The following SAMD8 variants were observed in gnomAD, a reference collection of about 807,000 sequenced individuals.
The protein encoded by SAMD8 is sphingomyelin synthase-related protein 1.
In SAMD8, 20 loss-of-function variants were observed where a neutral mutation model predicts 42.0. That is an observed-to-expected ratio of 0.48 (90% CI 0.34 to 0.69). SAMD8 has a LOEUF of 0.69. Among genes scored for constraint, SAMD8 ranks in the 30% least tolerant of loss-of-function variants. SAMD8 has a pLI of 0.01. For missense variants in SAMD8, 328 were observed against 511.6 expected, an observed-to-expected ratio of 0.64 and a Z score of 3.46; for synonymous variants, 162 against 173.0, an observed-to-expected ratio of 0.94 and a Z score of 0.50.
At chr10:75,131,996 A>T (rs1306802607) in intron 1 of SAMD8, among the ~76,000 whole-genome samples, 1 of 152,218 alleles carries the variant, frequency 6.6e-6, no homozygotes, top group Non-Finnish European at 1.5e-5. Flanking sequence ...ACACTGTAAA[A>T]TTTCAGACTA....
At chr10:75,135,708 C>G (rs570104310) in intron 1 of SAMD8, among the ~76,000 whole-genome samples, 2 of 151,668 alleles carry the variant, frequency 1.3e-5, no homozygotes, top group Non-Finnish European at 2.9e-5. Flanking sequence ...CGCCTGTAGT[C>G]CCAGCTACTT....
chr10:75,108,353 T>C, upstream of SAMD8: 1 of 1,395,190 alleles, frequency 7.2e-7, no homozygotes, highest in Non-Finnish European at 9.4e-7. Flanking sequence ...GGGGTCTGAC[T>C]CCACAGCCCT....
intron 3 of SAMD8, 117 bp downstream of exon 3, chr10:75,164,857 CAT>C: frequency 1.3e-6 from 1 of 744,560 alleles, no homozygotes; most frequent in South Asian, 1.7e-5. Context: ...GTCATTGTGA[CAT>C]AGTTATTAAC....
intron 1 of SAMD8, among the ~76,000 whole-genome samples, chr10:75,146,561 C>T (rs1304341428): frequency 6.6e-6 from 1 of 152,120 alleles, no homozygotes; most frequent in African/African-American, 2.4e-5. Context: ...GCTAGGATTA[C>T]AGGCGTGAGC....
At chr10:75,101,132 G>A (rs1002044742) in intron 1 of SAMD8, among the ~76,000 whole-genome samples, 3 of 152,196 alleles carry the variant, frequency 2.0e-5, no homozygotes, top group African/African-American at 7.2e-5. Context: ...TGCCAGTGGG[G>A]AACAGCTGTG....
chr10:75,145,873 A>G (rs948570518), intron 1 of SAMD8, among the ~76,000 whole-genome samples: 8 of 151,988 alleles, frequency 5.3e-5, no homozygotes, highest in Admixed American at 4.6e-4. Flanking sequence ...TGTTCATGAG[A>G]CCTTTTTTCA....
At chr10:75,172,480 A>G (rs905359581) in intron 4 of SAMD8, among the ~76,000 whole-genome samples, 1 of 149,812 alleles carries the variant, frequency 6.7e-6, no homozygotes, top group Non-Finnish European at 1.5e-5. Flanking sequence ...GACCACAGGC[A>G]CACGCCACCA....
At chr10:75,129,575 T>C (rs1343964206) in intron 1 of SAMD8, among the ~76,000 whole-genome samples, 2 of 152,182 alleles carry the variant, frequency 1.3e-5, no homozygotes, top group Non-Finnish European at 2.9e-5. Flanking sequence ...GCTAGTTTCA[T>C]TTGGCATCTT....
At position 75,179,739 on chromosome 10, in the gene SAMD8, C is replaced by T. The variant is rs1841048716; in HGVS notation, c.*3047C>T. 1.3e-5 allele frequency: 2 copies of T among 151,932 alleles called. No homozygotes were observed. Among genetic ancestry groups the T allele is most frequent in the Non-Finnish European group, 2.9e-5 (2 of 67,972 alleles). The allele number at this position is 151,932 out of a possible 1,614,324, so 9.4% of individuals were successfully genotyped here. A position where few individuals can be genotyped will look rare whatever the true frequency, so the allele number is the denominator to read the frequency against. ...TCCAGATTTTGTCTTCATTTTTTTT[C>T]CTGGTTAAAATCTAAACCATAGTGA... On this transcript the variant is annotated 3_prime_UTR_variant, in exon 6 of 6. Transcript: ENST00000542569.
intron 1 of SAMD8, among the ~76,000 whole-genome samples, chr10:75,102,725 G>A (rs1471416337): frequency 6.6e-6 from 1 of 152,150 alleles, no homozygotes; most frequent in Non-Finnish European, 1.5e-5. Context: ...GGCCGAGGTG[G>A]GCGGATCACC....
intron 1 of SAMD8, among the ~76,000 whole-genome samples, chr10:75,128,766 C>G (rs979572753): frequency 2.0e-5 from 3 of 152,140 alleles, no homozygotes; most frequent in African/African-American, 7.2e-5. Flanking sequence ...CACAGTGATA[C>G]TGGGCTGGTG....
At chr10:75,132,957 C>T (rs1362728495) in intron 1 of SAMD8, among the ~76,000 whole-genome samples, 1 of 152,144 alleles carries the variant, frequency 6.6e-6, no homozygotes, top group African/African-American at 2.4e-5. Flanking sequence ...CTACTGCACT[C>T]CAGCCTGAGC....
chr10:75,176,560 T>A lies in SAMD8; in HGVS notation c.1116T>A (p.Tyr372Ter). Residue 372 changes from tyrosine (Y) to a stop codon, truncating the protein, a stop_gained, in exon 6 of 6, where the codon TAT becomes TAA. Coordinates refer to ENST00000542569, the MANE Select transcript of SAMD8 (RefSeq NM_001174156.2). LOFTEE classifies it high-confidence loss of function. This position sits in a 1 kb window ranked among gnomAD's most constrained non-coding sequence, Gnocchi z 4.3. ...YYHTLANTRA[Y>*]QQSRRARIWF... Reference sequence around the variant, plus strand: ...ATACTCTGGCCAATACCAGAGCATATCAGCAGAGTAGGAGAGCAAGGATTT... The same window carrying A: ...ATACTCTGGCCAATACCAGAGCATAACAGCAGAGTAGGAGAGCAAGGATTT... The A allele has an allele frequency of 6.4e-7, 1 of 1,550,662 alleles. No homozygotes were observed. The highest frequency in any genetic ancestry group is 8.7e-7 in the Non-Finnish European group (1 of 1,147,006).
chr10:75,144,419 C>A (rs1840089895), intron 1 of SAMD8, among the ~76,000 whole-genome samples: 1 of 151,832 alleles, frequency 6.6e-6, no homozygotes, highest in South Asian at 2.1e-4. Context: ...GCTCCCAGTC[C>A]CTGACAGCCA....
intron 1 of SAMD8, among the ~76,000 whole-genome samples, chr10:75,100,190 G>A (rs1848067792): frequency 6.6e-6 from 1 of 152,156 alleles, no homozygotes; most frequent in South Asian, 2.1e-4. Context: ...ACCCCCAGGA[G>A]GCTCCAGAGG....
At chr10:75,169,615 C>G (rs1204004411) in intron 4 of SAMD8, among the ~76,000 whole-genome samples, 1 of 151,072 alleles carries the variant, frequency 6.6e-6, no homozygotes, top group Non-Finnish European at 1.5e-5. Flanking sequence ...CCTCCTCACT[C>G]CTTTAAAAAT....
chr10:75,166,082 G>C (rs1840670267), intron 3 of SAMD8, among the ~76,000 whole-genome samples: 1 of 151,754 alleles, frequency 6.6e-6, no homozygotes. Flanking sequence ...TGGAAAGTGT[G>C]TCTTGGCACT....
At chr10:75,125,324 C>G (rs182864380) in intron 1 of SAMD8, 2 of 152,322 alleles carry the variant, frequency 1.3e-5, no homozygotes, top group Non-Finnish European at 2.9e-5. Context: ...AGAAGTTCAT[C>G]ATTTGAGGCT....
intron 1 of SAMD8, among the ~76,000 whole-genome samples, chr10:75,131,749 A>G (rs1201406786): frequency 6.6e-6 from 1 of 152,186 alleles, no homozygotes; most frequent in African/African-American, 2.4e-5. Context: ...AAGGAAAAGC[A>G]GCATGAAATG....
Sources: gnomAD v4.1 joint callset for allele counts (sites outside exome capture counted in the v4.1 genomes callset) on GRCh38, gnomAD v4.1.1 for gene constraint, Gnocchi (gnomAD v3.1) non-coding constraint, MANE v1.5 for transcripts, NCBI Gene and HGNC (gene_info 2026-07-23, HGNC 2026-07-21) for gene names.